Variants in CORO1C observed in about 807,000 individuals in gnomAD.
The protein encoded by CORO1C is coronin-1C.
Under a neutral mutation model 51.2 loss-of-function variants are expected in CORO1C, and 14 were observed. That is an observed-to-expected ratio of 0.27 (90% CI 0.18 to 0.43). CORO1C has a LOEUF of 0.43. CORO1C is among the 20% of genes least tolerant of loss of function. The pLI, the probability that CORO1C is intolerant of heterozygous loss-of-function variation, is 1.00. For synonymous variants in CORO1C, 181 were observed against 210.5 expected, an observed-to-expected ratio of 0.86 and a Z score of 1.21; for missense variants, 417 against 607.8, an observed-to-expected ratio of 0.69 and a Z score of 3.30.
chr12:108,666,602 G>A (rs1390449627), intron 3 of CORO1C, among the ~76,000 whole-genome samples: 3 of 152,088 alleles, frequency 2.0e-5, no homozygotes, highest in Non-Finnish European at 2.9e-5. Context: ...TGCAGCTCAG[G>A]GACAACAACA....
chr12:108,701,332 GA>G lies in CORO1C; in HGVS notation c.-5-10del, dbSNP rs747467134. ...CACTCGCCTCATCGTGTCTGCAAAGGAAGAGTGAGAATTATGTTAGAATTAT... is the reference window on the plus strand; with the variant it reads ...CACTCGCCTCATCGTGTCTGCAAAGGAGAGTGAGAATTATGTTAGAATTAT... On this transcript the variant is annotated splice_polypyrimidine_tract_variant and intron_variant, in intron 1 of 10. Coordinates refer to ENST00000261401, the MANE Select transcript of CORO1C (RefSeq NM_014325.4). The G allele has an allele frequency of 6.2e-7, 1 of 1,613,994 alleles. No homozygotes were observed. The highest frequency in any genetic ancestry group is 1.3e-5 in the African/African-American group (1 of 74,904).
rs538421844 is a variant in CORO1C, at chr12:108,669,381, T to C, written c.319-7223A>G. On this transcript the variant is annotated intron_variant, in intron 3 of 10. Transcript: ENST00000261401. The stretch of plus-strand genomic sequence containing the variant: ...TACTCTTGCTGCTAGGAATCCACTA[T>C]AGGTATCCATCAAAATCCCCATTAC... Among the ~76,000 whole-genome samples the C allele has an allele frequency of 4.6e-5, 7 of 152,322 alleles. No individual in the cohort carries two copies. The East Asian group carries it at 1.2e-3, about 25-fold the overall frequency.
intron 2 of CORO1C, among the ~76,000 whole-genome samples, chr12:108,690,920 G>A (rs1004709826): frequency 6.6e-6 from 1 of 152,192 alleles, no homozygotes. Context: ...AGCCCTCGTA[G>A]TAAGCAAATG....
At chr12:108,680,710 T>C (rs1009014334) in intron 2 of CORO1C, among the ~76,000 whole-genome samples, 5 of 152,204 alleles carry the variant, frequency 3.3e-5, no homozygotes, top group Non-Finnish European at 7.3e-5. Context: ...AAGTACTCAA[T>C]AAACATTACC....
At chr12:108,674,338 G>A (rs1189758348) in intron 3 of CORO1C, among the ~76,000 whole-genome samples, 1 of 152,176 alleles carries the variant, frequency 6.6e-6, no homozygotes. Flanking sequence ...CGCGAGATCA[G>A]GAGATGGAGA....
intron 2 of CORO1C, among the ~76,000 whole-genome samples, 172 bp from the exon 3 acceptor site, chr12:108,678,566 C>T (rs2033993814): frequency 3.3e-5 from 5 of 152,132 alleles, no homozygotes; most frequent in Admixed American, 2.6e-4. Flanking sequence ...CTACCAAGGA[C>T]ATGCGATCAA....
intron 1 of CORO1C, among the ~76,000 whole-genome samples, chr12:108,709,927 A>G (rs138860147): frequency 2.2e-4 from 34 of 152,368 alleles, no homozygotes; most frequent in African/African-American, 6.3e-4. Context: ...TCTCAGTAAT[A>G]AAGAGGAAGA....
intron 6 of CORO1C, 50 bp downstream of exon 6, chr12:108,657,254 C>A: frequency 1.9e-6 from 3 of 1,595,696 alleles, no homozygotes; most frequent in Non-Finnish European, 1.7e-6. Flanking sequence ...CTGCTCAGAA[C>A]AGAGAGAAAG....
At chr12:108,726,838 C>T (rs541143538) in intron 1 of CORO1C, among the ~76,000 whole-genome samples, 1 of 152,044 alleles carries the variant, frequency 6.6e-6, no homozygotes, top group Non-Finnish European at 1.5e-5. Flanking sequence ...GGAGACTGTG[C>T]GCCAGTCATT....
intron 1 of CORO1C, among the ~76,000 whole-genome samples, chr12:108,708,758 G>A (rs542566910): frequency 7.9e-5 from 12 of 152,050 alleles, no homozygotes; most frequent in African/African-American, 2.4e-4. Flanking sequence ...CACCGTGCTC[G>A]GTCTATTTAT....
At chr12:108,715,319 A>C (rs2035297659) in intron 1 of CORO1C, among the ~76,000 whole-genome samples, 1 of 148,688 alleles carries the variant, frequency 6.7e-6, no homozygotes. Context: ...AAAAGATGCC[A>C]TAATGAGGCC....
At chr12:108,668,270 C>T (rs1053375795) in intron 3 of CORO1C, among the ~76,000 whole-genome samples, 16 of 152,166 alleles carry the variant, frequency 1.1e-4, no homozygotes, top group African/African-American at 3.6e-4. Context: ...GCACCGAGTT[C>T]GGGAAAACCA....
chr12:108,670,182 A>G (rs1362614), intron 3 of CORO1C, among the ~76,000 whole-genome samples: 11,230 of 152,276 alleles, frequency 0.074, 627 homozygotes, highest in East Asian at 0.32. Context: ...AAATTTAAGC[A>G]GGTGGGAGCA....
chr12:108,670,509 A>T (rs2033676483), intron 3 of CORO1C, among the ~76,000 whole-genome samples: 1 of 152,214 alleles, frequency 6.6e-6, no homozygotes, highest in African/African-American at 2.4e-5. Flanking sequence ...GAGGGATAAA[A>T]GCATAAGAGA....
chr12:108,687,086 A>G (rs2034320066), intron 2 of CORO1C, among the ~76,000 whole-genome samples: 1 of 152,204 alleles, frequency 6.6e-6, no homozygotes, highest in Non-Finnish European at 1.5e-5. Flanking sequence ...AACACAGCCG[A>G]GTTCCTGGAG....
At chr12:108,726,589 T>C (rs1269807417) in intron 1 of CORO1C, among the ~76,000 whole-genome samples, 1 of 151,234 alleles carries the variant, frequency 6.6e-6, no homozygotes, top group Non-Finnish European at 1.5e-5. Flanking sequence ...GTAGGAGACT[T>C]GCTTGAGCCC....
At chr12:108,666,714 A>C in intron 3 of CORO1C, among the ~76,000 whole-genome samples, 1 of 152,280 alleles carries the variant, frequency 6.6e-6, no homozygotes, top group East Asian at 1.9e-4. Context: ...CTGGGACACT[A>C]ATTGGTCATG....
rs537436478 is a variant in CORO1C at position 108,707,852 on chromosome 12, T to C, written c.-5-6529A>G. Among the ~76,000 whole-genome samples, 300 of 152,306 alleles carry C rather than the reference T, an allele frequency of 2.0e-3. 1 individual carries two copies. The highest frequency in any genetic ancestry group is 6.8e-3 in the African/African-American group (283 of 41,568). On this transcript the variant is annotated intron_variant, in intron 1 of 10. Transcript: ENST00000261401. ...GAATAGACATTTTCCAAAGAAGATG[T>C]ACAAATGTCCAATACACATGAAAAG... is the stretch of plus-strand genomic sequence containing the variant.
At chr12:108,662,289 G>C in intron 3 of CORO1C, 131 bp from the exon 4 acceptor site, 1 of 787,802 alleles carries the variant, frequency 1.3e-6, no homozygotes, top group Non-Finnish European at 2.0e-6. Context: ...ATGAAAGGCA[G>C]AATGTTGTGA....
Sources: gnomAD v4.1 joint callset for allele counts (sites outside exome capture counted in the v4.1 genomes callset) on GRCh38, gnomAD v4.1.1 for gene constraint, MANE v1.5 for transcripts, NCBI Gene and HGNC (gene_info 2026-07-23, HGNC 2026-07-21) for gene names.